The following DLGAP2 variants were observed in gnomAD, a reference collection of about 807,000 sequenced individuals.
DLGAP2 encodes disks large-associated protein 2.
A neutral mutation model predicts 100.3 loss-of-function variants in DLGAP2; 26 were observed. The observed-to-expected ratio is 0.26, with a 90% confidence interval of 0.19 to 0.36. DLGAP2 has a LOEUF of 0.36. Among genes scored for constraint, DLGAP2 ranks in the 10% least tolerant of loss-of-function variants. The pLI is 1.00. For missense variants in DLGAP2, 1,858 were observed against 1,453.2 expected (o/e 1.28, Z -4.53); for synonymous variants, 886 against 630.1 (o/e 1.41, Z -6.08).
chr8:1,241,460 G>C (rs879393510), intron 2 of DLGAP2, among the ~76,000 whole-genome samples: 1 of 152,158 alleles, frequency 6.6e-6, no homozygotes, highest in Non-Finnish European at 1.5e-5. Context: ...ACCCTGACGC[G>C]TTATTTATTT....
chr8:857,186 A>C (rs1563066251), intron 1 of DLGAP2, among the ~76,000 whole-genome samples: 1 of 152,246 alleles, frequency 6.6e-6, no homozygotes, highest in Non-Finnish European at 1.5e-5. Flanking sequence ...ATGAACCCAG[A>C]ACCAGACCTT....
intron 3 of DLGAP2, among the ~76,000 whole-genome samples, chr8:1,377,155 ACCTGTCCCTACCTGGC>A (rs1336887709): frequency 6.6e-6 from 1 of 152,128 alleles, no homozygotes; most frequent in Non-Finnish European, 1.5e-5. Context: ...GCCCCACAGC[ACCTGTCCCTACCTGGC>A]CCCTCCAGGT....
rs1246478897 is a variant in DLGAP2 at position 1,706,341 on chromosome 8, A to ATTGGCTC, written c.*4937_*4943dup. ...GACACACTGTGAGGATTAATGACATATTGGCTCTAAAGTCCTTTGAGCTCC... is the reference window on the plus strand; with the variant it reads ...GACACACTGTGAGGATTAATGACATATTGGCTCTTGGCTCTAAAGTCCTTTGAGCTCC... On this transcript the variant is annotated 3_prime_UTR_variant, in exon 15 of 15. Transcript: ENST00000637795. 1.3e-5 allele frequency: 2 copies of ATTGGCTC among 152,228 alleles called. No homozygotes were observed. Among genetic ancestry groups the ATTGGCTC allele is most frequent in the Non-Finnish European group, 2.9e-5 (2 of 68,058 alleles). 9.4% of individuals were successfully genotyped at this position (152,228 alleles called of 1,614,324 possible). A position where few individuals can be genotyped will look rare whatever the true frequency, so the allele number is the denominator to read the frequency against.
At chr8:1,268,278 G>A (rs938511944) in intron 3 of DLGAP2, among the ~76,000 whole-genome samples, 12 of 152,118 alleles carry the variant, frequency 7.9e-5, no homozygotes, top group African/African-American at 2.9e-4. Flanking sequence ...TGTGATTGGA[G>A]AAAATACTCC....
intron 1 of DLGAP2, among the ~76,000 whole-genome samples, chr8:770,236 C>T (rs867938690): frequency 2.6e-5 from 4 of 152,104 alleles, no homozygotes; most frequent in Non-Finnish European, 4.4e-5. Context: ...ATGCTCATCT[C>T]GTCAGGGGTG....
intron 2 of DLGAP2, among the ~76,000 whole-genome samples, chr8:1,218,272 A>G (rs1798250920): frequency 6.6e-6 from 1 of 152,122 alleles, no homozygotes; most frequent in African/African-American, 2.4e-5. Flanking sequence ...GTATATGGTA[A>G]AAGGAAGTGG....
chr8:1,359,228 C>A (rs979989850), intron 3 of DLGAP2, among the ~76,000 whole-genome samples: 1 of 152,178 alleles, frequency 6.6e-6, no homozygotes, highest in Non-Finnish European at 1.5e-5. Context: ...ACAGGAAAAT[C>A]CACCTCCCGG....
intron 3 of DLGAP2, among the ~76,000 whole-genome samples, chr8:1,467,045 G>A (rs569141931): frequency 1.4e-4 from 20 of 144,132 alleles, no homozygotes; most frequent in South Asian, 8.3e-4. Context: ...GGATTTTGCC[G>A]GGTGATAAAG....
At chr8:849,460 G>A (rs756803441) in intron 1 of DLGAP2, among the ~76,000 whole-genome samples, 1 of 152,234 alleles carries the variant, frequency 6.6e-6, no homozygotes, top group Non-Finnish European at 1.5e-5. Context: ...TGGGCATTTA[G>A]TTCGATGCCT....
At chr8:749,322 G>T (rs889876071) in intron 1 of DLGAP2, among the ~76,000 whole-genome samples, 7 of 152,140 alleles carry the variant, frequency 4.6e-5, no homozygotes, top group African/African-American at 1.7e-4. Flanking sequence ...CTTTTTATCT[G>T]CTAAGTATTT....
At chr8:902,194 G>A (rs993780131) in intron 1 of DLGAP2, among the ~76,000 whole-genome samples, 2 of 152,160 alleles carry the variant, frequency 1.3e-5, no homozygotes, top group Admixed American at 6.5e-5. Flanking sequence ...TCCCCTCCTC[G>A]GGCGCCCAGC....
At chr8:1,179,168 A>G (rs1232574607) in intron 2 of DLGAP2, among the ~76,000 whole-genome samples, 1 of 152,260 alleles carries the variant, frequency 6.6e-6, no homozygotes, top group Non-Finnish European at 1.5e-5. Flanking sequence ...TTAATCCCTC[A>G]AGTGCCCAAA....
At chr8:1,061,016 G>T (rs1406606226) in intron 2 of DLGAP2, among the ~76,000 whole-genome samples, 1 of 152,214 alleles carries the variant, frequency 6.6e-6, no homozygotes, top group Non-Finnish European at 1.5e-5. Flanking sequence ...ACTTCTCTAT[G>T]TTGGGCAACC....
At chr8:1,079,150 G>A (rs1353089483) in intron 2 of DLGAP2, among the ~76,000 whole-genome samples, 1 of 152,226 alleles carries the variant, frequency 6.6e-6, no homozygotes, top group East Asian at 1.9e-4. Context: ...TTGGTGAGAA[G>A]TGGTGTGGAG....
At chr8:1,594,232 T>C (rs1299574410) in intron 6 of DLGAP2, among the ~76,000 whole-genome samples, 2 of 152,060 alleles carry the variant, frequency 1.3e-5, no homozygotes, top group African/African-American at 4.8e-5. Flanking sequence ...GGCAAAGATA[T>C]TTCAAAGAAA....
At chr8:766,063 A>T (rs911649522) in intron 1 of DLGAP2, among the ~76,000 whole-genome samples, 1 of 152,162 alleles carries the variant, frequency 6.6e-6, no homozygotes, top group Non-Finnish European at 1.5e-5. Flanking sequence ...GCTACTTGGG[A>T]GGCTGAGGCA....
chr8:1,337,477 G>T, intron 3 of DLGAP2, among the ~76,000 whole-genome samples: 1 of 15,402 alleles, frequency 6.5e-5, no homozygotes, highest in African/African-American at 2.6e-4. Flanking sequence ...GAGGATGATG[G>T]GGATGGGGAT....
At chr8:1,389,017 G>T (rs923268796) in intron 3 of DLGAP2, among the ~76,000 whole-genome samples, 2 of 148,468 alleles carry the variant, frequency 1.3e-5, no homozygotes, top group Non-Finnish European at 3.0e-5. Context: ...AGCAGAGGCC[G>T]TGGATGAGGA....
chr8:1,533,684 A>G (rs576514285), intron 4 of DLGAP2, among the ~76,000 whole-genome samples: 32 of 152,312 alleles, frequency 2.1e-4, no homozygotes, highest in African/African-American at 7.7e-4. Context: ...AAAACTTAAA[A>G]TTAACTTAAT....
Sources: gnomAD v4.1 joint callset for allele counts (sites outside exome capture counted in the v4.1 genomes callset) on GRCh38, gnomAD v4.1.1 for gene constraint, MANE v1.5 for transcripts, NCBI Gene and HGNC (gene_info 2026-07-23, HGNC 2026-07-21) for gene names.